The following PPFIA3 variants were observed in gnomAD, a reference collection of about 807,000 sequenced individuals.
The protein encoded by PPFIA3 is liprin-alpha-3.
Under a neutral mutation model 145.8 loss-of-function variants are expected in PPFIA3, and 26 were observed. The observed-to-expected ratio is 0.18, with a 90% CI of 0.13 to 0.25. PPFIA3 has a LOEUF of 0.25. Among genes scored for constraint, PPFIA3 ranks in the 10% least tolerant of loss-of-function variants. PPFIA3 has a pLI of 1.00. For synonymous variants in PPFIA3, 645 were observed against 661.4 expected, an observed-to-expected ratio of 0.98 and a Z score of 0.38; for missense variants, 1,008 against 1,587.8, an observed-to-expected ratio of 0.63 and a Z score of 6.21.
chr19:49,148,018 C>T, intron 23 of PPFIA3, 65 bp from the exon 24 acceptor site: 1 of 1,497,914 alleles, frequency 6.7e-7, no homozygotes, highest in Non-Finnish European at 9.1e-7. Context: ...GGACTGTACC[C>T]CTCTCATGCA....
At chr19:49,135,104 C>T (rs1388188110) in intron 13 of PPFIA3, among the ~76,000 whole-genome samples, 189 bp downstream of exon 13, 1 of 152,038 alleles carries the variant, frequency 6.6e-6, no homozygotes, top group Non-Finnish European at 1.5e-5. Flanking sequence ...TGCAGTGGCA[C>T]GATTCCGGCT....
intron 16 of PPFIA3, 44 bp downstream of exon 16, chr19:49,138,471 G>C (rs761697576): frequency 6.9e-7 from 1 of 1,444,626 alleles, no homozygotes; most frequent in Non-Finnish European, 9.1e-7. Flanking sequence ...GGGATGGGGA[G>C]AGGTCAGAGG....
intron 16 of PPFIA3, among the ~76,000 whole-genome samples, chr19:49,139,302 C>T (rs954630463): frequency 3.5e-5 from 5 of 144,416 alleles, no homozygotes; most frequent in Non-Finnish European, 6.1e-5. Context: ...TCCAGCCTGG[C>T]GACAGAGCTA....
chr19:49,139,992 C>T lies in PPFIA3; in HGVS notation c.2272C>T (p.Pro758Ser), dbSNP rs1392091380. The change falls in exon 18 of 30, where the codon CCC (proline) becomes TCC (serine). Residue 758 changes from proline (P) to serine (S), a missense_variant. Physicochemically the swap from Pro to Ser is moderately conservative, Grantham distance 74. This residue lies in a region of PPFIA3 where 202 missense variants were observed against 241.8 expected (regional missense o/e 0.84). Transcript: ENST00000334186. Reference sequence around the variant, plus strand: ...CACCCCAGATTCTCTGCACAAAGCCCCCAAGAAGAAGAGCATCAAGTCATC... The same window carrying T: ...CACCCCAGATTCTCTGCACAAAGCCTCCAAGAAGAAGAGCATCAAGTCATC... The part of the protein sequence containing the change: ...EGTPDSLHKA[P>S]KKKSIKSSIG... 2 of 1,614,118 alleles carry T rather than the reference C, an allele frequency of 1.2e-6. No homozygotes were observed. The highest frequency in any genetic ancestry group is 1.1e-5 in the South Asian group (1 of 91,084).
At chr19:49,145,120 A>G (rs1252891799) in intron 21 of PPFIA3, among the ~76,000 whole-genome samples, 1 of 151,812 alleles carries the variant, frequency 6.6e-6, no homozygotes, top group Non-Finnish European at 1.5e-5. Flanking sequence ...TAGTAGAGAT[A>G]GGGTTTCACC....
chr19:49,139,580 C>A, intron 16 of PPFIA3, 88 bp from the exon 17 acceptor site: 1 of 1,405,126 alleles, frequency 7.1e-7, no homozygotes, highest in Non-Finnish European at 9.5e-7. Flanking sequence ...GGTCACCCCA[C>A]ACACACCTTA....
chr19:49,135,377 T>A (rs1159340566), intron 13 of PPFIA3, among the ~76,000 whole-genome samples: 1 of 150,940 alleles, frequency 6.6e-6, no homozygotes, highest in African/African-American at 2.4e-5. Flanking sequence ...ATTTATTTAT[T>A]TTTTCTTTCT....
chr19:49,120,274 G>A lies in PPFIA3; in HGVS notation c.-16+552G>A, dbSNP rs2040920419. On this transcript the variant is annotated intron_variant, in intron 1 of 29. Transcript: ENST00000334186. The surrounding 1 kb of genome is among the most constrained non-coding windows in gnomAD (Gnocchi z 4.6). ...ACCAGGGAGGGGGCGCAGGCGGCGCGGGGATCCCCCCGCCGCGCCTTTGAC... is the reference window on the plus strand; with the variant it reads ...ACCAGGGAGGGGGCGCAGGCGGCGCAGGGATCCCCCCGCCGCGCCTTTGAC... Among the ~76,000 whole-genome samples, 1 of 151,910 alleles carries A rather than the reference G, an allele frequency of 6.6e-6. No individual in the cohort carries two copies. Among genetic ancestry groups the A allele is most frequent in the South Asian group, 2.1e-4 (1 of 4,830 alleles).
At chr19:49,139,541 C>A in intron 16 of PPFIA3, 127 bp from the exon 17 acceptor site, 8 of 676,566 alleles carry the variant, frequency 1.2e-5, no homozygotes, top group Non-Finnish European at 1.5e-5. Flanking sequence ...TTGAGCTAGA[C>A]TACCTTCGTA....
intron 13 of PPFIA3, 137 bp from the exon 14 acceptor site, chr19:49,135,642 T>C (rs2041128815): frequency 2.2e-6 from 2 of 909,368 alleles, no homozygotes; most frequent in South Asian, 4.1e-5. Flanking sequence ...AGTGCTGGGA[T>C]TGCAGGCTTG....
chr19:49,147,116 A>G lies in PPFIA3; in HGVS notation c.2835+924A>G, dbSNP rs187711958. 4.5e-3 allele frequency among the ~76,000 whole-genome samples: 689 copies of G among 152,332 alleles called. 12 individuals are homozygous for G. The highest frequency in any genetic ancestry group is 0.015 in the African/African-American group (643 of 41,578). ...TCTGGAATATTGTCCTGGGCCAGAT[A>G]TAACATTAGACAAGTATTTTCAGGA... On this transcript the variant is annotated intron_variant, in intron 23 of 29. Coordinates refer to ENST00000334186, the MANE Select transcript of PPFIA3 (RefSeq NM_003660.4).
At chr19:49,148,292 AG>A in intron 24 of PPFIA3, 34 bp downstream of exon 24, 2 of 1,593,236 alleles carry the variant, frequency 1.3e-6, no homozygotes, top group Non-Finnish European at 1.7e-6. Flanking sequence ...GACAGTCCAA[AG>A]GGAAGCCCCA....
At chr19:49,143,225 C>T (rs904529038) in intron 21 of PPFIA3, among the ~76,000 whole-genome samples, 2 of 152,232 alleles carry the variant, frequency 1.3e-5, no homozygotes, top group Admixed American at 6.5e-5. Flanking sequence ...GACTCTCTCC[C>T]TCTCCTCGGC....
rs774400977 is a variant in PPFIA3, at chr19:49,149,509, C to A, written c.3355-38C>A. The A allele has an allele frequency of 6.2e-7, 1 of 1,612,648 alleles. No homozygotes were observed. Among genetic ancestry groups the A allele is most frequent in the East Asian group, 2.2e-5 (1 of 44,852 alleles). ...AAGGAAGGGGCGGAGTCAGACAAGG[C>A]AGGAGTCCCTCACCGGCTGTCCGGC... On this transcript the variant is annotated intron_variant, in intron 27 of 29. Transcript: ENST00000334186. This position sits in a 1 kb window ranked among gnomAD's most constrained non-coding sequence, Gnocchi z 5.7.
intron 11 of PPFIA3, 102 bp downstream of exon 11, chr19:49,134,267 C>A: frequency 6.9e-7 from 1 of 1,438,968 alleles, no homozygotes; most frequent in Non-Finnish European, 9.4e-7. Context: ...TATCGGAGGC[C>A]TCCCTAAACC....
At chr19:49,127,383 TAAAAAA>T (rs34030131) in intron 1 of PPFIA3, among the ~76,000 whole-genome samples, 304 of 28,596 alleles carry the variant, frequency 0.011, 1 homozygote, top group African/African-American at 0.038. Context: ...TCACTCCAGC[TAAAAAA>T]AAAAAAAAAA....
intron 22 of PPFIA3, 54 bp downstream of exon 22, chr19:49,146,059 G>C: frequency 1.9e-6 from 3 of 1,607,752 alleles, no homozygotes; most frequent in Non-Finnish European, 2.6e-6. Context: ...CTTTGGGGGT[G>C]GGGGCGGGGA....
rs2122571860 is a variant in PPFIA3, at chr19:49,133,136, T to C, written c.1015T>C (p.Leu339=). The C allele has an allele frequency of 6.2e-7, 1 of 1,603,788 alleles. No homozygotes were observed. Among genetic ancestry groups the C allele is most frequent in the South Asian group, 1.1e-5 (1 of 90,442 alleles). The change falls in exon 8 of 30, where the codon TTG becomes CTG. Residue 339 remains leucine, a synonymous_variant. Transcript: ENST00000334186. This position sits in a 1 kb window ranked among gnomAD's most constrained non-coding sequence, Gnocchi z 7.2. ...GAACGAGTTAGCTAGCAAGGAGTCGTTGTATCGGCAGGTGGGGGCGCGGCC... is the reference window on the plus strand; with the variant it reads ...GAACGAGTTAGCTAGCAAGGAGTCGCTGTATCGGCAGGTGGGGGCGCGGCC... ...LENELASKES[L]YRQSEEKSRQ...
At chr19:49,148,822 G>T in intron 25 of PPFIA3, 59 bp downstream of exon 25, 1 of 1,556,274 alleles carries the variant, frequency 6.4e-7, no homozygotes, top group South Asian at 1.1e-5. Context: ...GCTGGATGGG[G>T]AGGAGAGGGG....
Sources: allele counts gnomAD v4.1 joint callset (sites outside exome capture counted in the v4.1 genomes callset), GRCh38; gene constraint gnomAD v4.1.1; regional missense constraint gnomAD v4.1.1; non-coding constraint Gnocchi (gnomAD v3.1); transcripts MANE v1.5; gene names NCBI Gene and HGNC (gene_info 2026-07-23, HGNC 2026-07-21).